Variants in MRPS35 observed in about 807,000 individuals in gnomAD.
MRPS35 encodes small ribosomal subunit protein mS35.
Under a neutral mutation model 32.7 loss-of-function variants are expected in MRPS35, and 29 were observed. The ratio of observed to expected loss-of-function variants is 0.89; its 90% CI spans 0.66 to 1.21. MRPS35 has a LOEUF of 1.21. MRPS35 is among the 50% of genes most tolerant of loss of function. MRPS35 has a pLI of 0.00. For synonymous variants in MRPS35, 148 were observed against 139.3 expected (o/e 1.06, Z -0.44); for missense variants, 373 against 383.8 (o/e 0.97, Z 0.23).
At chr12:27,728,649 G>C (rs1319186778) in intron 5 of MRPS35, among the ~76,000 whole-genome samples, 1 of 151,996 alleles carries the variant, frequency 6.6e-6, no homozygotes, top group Non-Finnish European at 1.5e-5. Context: ...TCCCGCCAAA[G>C]ACCATTGTAT....
At chr12:27,735,591 G>A (rs758996280) in intron 6 of MRPS35, 35 bp downstream of exon 6, 3 of 1,473,464 alleles carry the variant, frequency 2.0e-6, no homozygotes, top group South Asian at 1.2e-5. Flanking sequence ...CTGGTCACGT[G>A]TGTTTCCTCA....
At chr12:27,725,101 G>C (rs914352947) in intron 5 of MRPS35, among the ~76,000 whole-genome samples, 4 of 152,080 alleles carry the variant, frequency 2.6e-5, no homozygotes, top group Non-Finnish European at 5.9e-5. Flanking sequence ...ATTTTTTGTA[G>C]ATACAGGATC....
At chr12:27,740,790 T>C in intron 7 of MRPS35, among the ~76,000 whole-genome samples, 1 of 152,208 alleles carries the variant, frequency 6.6e-6, no homozygotes, top group East Asian at 1.9e-4. Flanking sequence ...AAGCCTAAGC[T>C]TCAGGCATAA....
rs567010623 is a variant in MRPS35 at position 27,724,169 on chromosome 12, C to T, written c.505C>T (p.Arg169Ter). 15 of 1,579,950 alleles carry T rather than the reference C, an allele frequency of 9.5e-6. No homozygotes were observed. Among genetic ancestry groups the T allele is most frequent in the East Asian group, 6.8e-5 (3 of 44,110 alleles). The change falls in exon 5 of 8, where the codon CGA (arginine) becomes TGA (stop). Residue 169 changes from arginine to a stop codon, truncating the protein, a stop_gained. Coordinates refer to ENST00000081029, the MANE Select transcript of MRPS35 (RefSeq NM_021821.4). LOFTEE classifies it high-confidence loss of function. ...ACCATCTGTTCGGAACCCCAGAGCA[C>T]GAGTAGTAGTCTTAAGAGTAAGAGT... ...SGPSVRNPRA[R>*]VVVLRVKLSS... is the part of the protein sequence containing the mutation.
At chr12:27,720,040 T>G (rs1392320162) in intron 4 of MRPS35, among the ~76,000 whole-genome samples, 172 bp downstream of exon 4, 1 of 152,168 alleles carries the variant, frequency 6.6e-6, no homozygotes, top group East Asian at 1.9e-4. Flanking sequence ...GAATAATAAT[T>G]AGAAACCATG....
At chr12:27,714,270 C>G (rs1365060133) in intron 1 of MRPS35, among the ~76,000 whole-genome samples, 1 of 151,924 alleles carries the variant, frequency 6.6e-6, no homozygotes, top group East Asian at 1.9e-4. Flanking sequence ...TTCACTGTAT[C>G]TGCAATTCAA....
intron 5 of MRPS35, among the ~76,000 whole-genome samples, chr12:27,728,041 G>C (rs554676244): frequency 1.3e-5 from 2 of 151,932 alleles, no homozygotes; most frequent in Non-Finnish European, 1.5e-5. Context: ...TTCAATCCAC[G>C]TTCCAATCCA....
chr12:27,744,886 T>G (rs945821216), intron 7 of MRPS35, among the ~76,000 whole-genome samples: 1 of 152,178 alleles, frequency 6.6e-6, no homozygotes, highest in African/African-American at 2.4e-5. Flanking sequence ...AACTCTGTGC[T>G]GCTTCAATGA....
intron 7 of MRPS35, among the ~76,000 whole-genome samples, chr12:27,742,644 G>A (rs993273052): frequency 2.6e-5 from 4 of 152,166 alleles, no homozygotes; most frequent in Non-Finnish European, 5.9e-5. Context: ...AACTAACAGG[G>A]CCAAGAAAGG....
chr12:27,749,587 AGTG>A (rs879622315), intron 7 of MRPS35, among the ~76,000 whole-genome samples: 2 of 152,130 alleles, frequency 1.3e-5, no homozygotes, highest in Non-Finnish European at 2.9e-5. Context: ...ACTGCTTCAT[AGTG>A]GTGGTGGAAT....
chr12:27,717,180 C>G (rs2061854573), intron 3 of MRPS35, among the ~76,000 whole-genome samples: 1 of 152,002 alleles, frequency 6.6e-6, no homozygotes, highest in Non-Finnish European at 1.5e-5. Context: ...CCACACCCAG[C>G]CTATCATATC....
In MRPS35 at chr12:27,735,545, C is replaced by A; in HGVS notation, c.621C>A (p.Ile207=). ...GCAAGACCACAGATGTGCTTACCAT[C>A]AAAACAGATAGGTAATGGAAAAAAT... ...RYCKTTDVLT[I]KTDRCPLRRQ... The change falls in exon 6 of 8, where the codon ATC becomes ATA. Residue 207 remains isoleucine, a synonymous_variant. Coordinates refer to ENST00000081029, the MANE Select transcript of MRPS35 (RefSeq NM_021821.4). 1 of 1,608,762 alleles carries A rather than the reference C, an allele frequency of 6.2e-7. No homozygotes were observed. Among genetic ancestry groups the A allele is most frequent in the Non-Finnish European group, 8.5e-7 (1 of 1,177,364 alleles).
intron 7 of MRPS35, among the ~76,000 whole-genome samples, chr12:27,752,461 CAT>C (rs570197075): frequency 1.0e-3 from 153 of 152,302 alleles, no homozygotes; most frequent in Non-Finnish European, 2.0e-3. Context: ...TCAGATAAAA[CAT>C]GTGAAACTTA....
intron 4 of MRPS35, among the ~76,000 whole-genome samples, 188 bp from the exon 5 acceptor site, chr12:27,723,859 C>A (rs2061887216): frequency 6.6e-6 from 1 of 152,042 alleles, no homozygotes; most frequent in Non-Finnish European, 1.5e-5. Context: ...AATTAAATTG[C>A]CTAATTTAGG....
At chr12:27,713,314 A>G (rs138641862) in intron 1 of MRPS35, among the ~76,000 whole-genome samples, 1 of 152,316 alleles carries the variant, frequency 6.6e-6, no homozygotes, top group African/African-American at 2.4e-5. Context: ...AGGATAGGAT[A>G]GATGTAGATG....
At chr12:27,719,929 C>T in intron 4 of MRPS35, 61 bp downstream of exon 4, 2 of 1,200,796 alleles carry the variant, frequency 1.7e-6, no homozygotes, top group Non-Finnish European at 2.5e-6. Flanking sequence ...TTAAGAATCT[C>T]TGTTCTGATA....
At chr12:27,736,287 A>C (rs1336760286) in intron 6 of MRPS35, among the ~76,000 whole-genome samples, 1 of 152,214 alleles carries the variant, frequency 6.6e-6, no homozygotes, top group African/African-American at 2.4e-5. Context: ...AAGGAGCCTG[A>C]CACACATGCA....
At chr12:27,748,193 C>T (rs541869010) in intron 7 of MRPS35, among the ~76,000 whole-genome samples, 39 of 152,326 alleles carry the variant, frequency 2.6e-4, no homozygotes, top group African/African-American at 6.7e-4. Context: ...TTCTCCTCTA[C>T]GGGGATCACA....
intron 7 of MRPS35, among the ~76,000 whole-genome samples, chr12:27,738,055 T>G (rs541334651): frequency 1.3e-5 from 2 of 152,358 alleles, no homozygotes; most frequent in East Asian, 1.9e-4. Context: ...TTGACTGTTA[T>G]GCATTAGGTA....
Sources: gnomAD v4.1 joint callset for allele counts (sites outside exome capture counted in the v4.1 genomes callset) on GRCh38, gnomAD v4.1.1 for gene constraint, MANE v1.5 for transcripts, NCBI Gene and HGNC (gene_info 2026-07-23, HGNC 2026-07-21) for gene names.